The following ARHGAP21 variants were observed in gnomAD, a reference collection of about 807,000 sequenced individuals.
The protein encoded by ARHGAP21 is rho GTPase-activating protein 21.
A neutral mutation model predicts 164.6 loss-of-function variants in ARHGAP21; 38 were observed. The ratio of observed to expected loss-of-function variants is 0.23; its 90% CI spans 0.18 to 0.30. The LOEUF is 0.30. ARHGAP21 is among the 10% of genes least tolerant of loss of function. The pLI is 1.00. For synonymous variants in ARHGAP21, 766 were observed against 857.9 expected (o/e 0.89, Z 1.87); for missense variants, 1,822 against 2,370.7 (o/e 0.77, Z 4.81).
In ARHGAP21 at chr10:24,705,651, C is replaced by T. The variant is rs149264917; in HGVS notation, c.63+16186G>A. On this transcript the variant is annotated intron_variant, in intron 2 of 25. Transcript: ENST00000396432. ...AGTGTGCTTTATTTATCATTCATTGCTTTCAATTACATTTTCAACTGTTTT... is the reference window on the plus strand; with the variant it reads ...AGTGTGCTTTATTTATCATTCATTGTTTTCAATTACATTTTCAACTGTTTT... 5.7e-3 allele frequency among the ~76,000 whole-genome samples: 867 copies of T among 152,314 alleles called. 5 individuals are homozygous for T. Among genetic ancestry groups the T allele is most frequent in the Non-Finnish European group, 8.8e-3 (600 of 68,014 alleles).
At chr10:24,588,928 G>A (rs1299175494) in intron 25 of ARHGAP21, among the ~76,000 whole-genome samples, 1 of 152,162 alleles carries the variant, frequency 6.6e-6, no homozygotes, top group East Asian at 1.9e-4. Flanking sequence ...AGTCGGCCGA[G>A]TGCTGATAAT....
intron 4 of ARHGAP21, among the ~76,000 whole-genome samples, chr10:24,642,950 C>T (rs774877838): frequency 2.0e-5 from 3 of 152,126 alleles, no homozygotes; most frequent in Non-Finnish European, 4.4e-5. Context: ...AGTAAAAATT[C>T]CCAAAACCAG....
At chr10:24,706,099 C>A (rs529877883) in intron 2 of ARHGAP21, among the ~76,000 whole-genome samples, 1 of 152,202 alleles carries the variant, frequency 6.6e-6, no homozygotes. Context: ...CCATATTTCA[C>A]TAAAACTGAA....
intron 9 of ARHGAP21, among the ~76,000 whole-genome samples, chr10:24,615,718 C>A (rs1833872596): frequency 6.6e-6 from 1 of 152,058 alleles, no homozygotes; most frequent in South Asian, 2.1e-4. Context: ...AGGACTGGTA[C>A]ATTATAAAGT....
intron 2 of ARHGAP21, among the ~76,000 whole-genome samples, chr10:24,675,524 T>C (rs566240206): frequency 1.3e-5 from 2 of 152,324 alleles, no homozygotes; most frequent in Admixed American, 1.3e-4. Flanking sequence ...TACTTGCGTA[T>C]AAACTTACCG....
At chr10:24,701,418 A>AGAAAAAAAAAAGTGCCTTCT (rs1843661371) in intron 2 of ARHGAP21, among the ~76,000 whole-genome samples, 1 of 152,036 alleles carries the variant, frequency 6.6e-6, no homozygotes, top group Admixed American at 6.5e-5. Flanking sequence ...CTTCTTTCAA[A>AGAAAAAAAAAAGTGCCTTCT]GAAAAAAAAA....
chr10:24,688,582 A>G (rs190873763), intron 2 of ARHGAP21, among the ~76,000 whole-genome samples: 1 of 152,336 alleles, frequency 6.6e-6, no homozygotes, highest in Admixed American at 6.5e-5. Flanking sequence ...TGGGGAAACA[A>G]CTTATAGAAG....
chr10:24,676,412 T>TTAACTGA (rs1841251108), intron 2 of ARHGAP21, among the ~76,000 whole-genome samples: 6 of 152,200 alleles, frequency 3.9e-5, no homozygotes, highest in Admixed American at 3.9e-4. Context: ...GACCCAGAAT[T>TTAACTGA]TTAATTTCCA....
chr10:24,605,679 T>TTACA (rs2076993704), intron 11 of ARHGAP21: 1 of 152,162 alleles, frequency 6.6e-6, no homozygotes, highest in Admixed American at 6.5e-5. Context: ...TAACATAAGG[T>TTACA]TCAGTATCAT....
intron 2 of ARHGAP21, among the ~76,000 whole-genome samples, chr10:24,691,960 A>G (rs1192311554): frequency 1.3e-5 from 2 of 152,268 alleles, no homozygotes; most frequent in South Asian, 2.1e-4. Flanking sequence ...GAAATCCAAT[A>G]TACCATAAAT....
intron 2 of ARHGAP21, among the ~76,000 whole-genome samples, chr10:24,715,827 G>A (rs555932341): frequency 3.9e-5 from 6 of 152,230 alleles, no homozygotes; most frequent in African/African-American, 1.4e-4. Flanking sequence ...TGGGCAACAT[G>A]GCAAAACCCC....
At chr10:24,690,783 G>A (rs536615028) in intron 2 of ARHGAP21, among the ~76,000 whole-genome samples, 102 of 150,702 alleles carry the variant, frequency 6.8e-4, no homozygotes, top group African/African-American at 2.3e-3. Context: ...AGCCGAGATC[G>A]CGCCACTGCA....
rs1203344753 is a variant in ARHGAP21, at chr10:24,670,198, G to C, written c.243+20C>G. ...GGCCTTGTGGTTTTTTTTTCAAGTTGCGGTAACTATTTCTCTTACCTTATA... is the reference window on the plus strand; with the variant it reads ...GGCCTTGTGGTTTTTTTTTCAAGTTCCGGTAACTATTTCTCTTACCTTATA... On this transcript the variant is annotated intron_variant, in intron 3 of 25. Transcript: ENST00000396432. 19 of 1,509,914 alleles carry C rather than the reference G, an allele frequency of 1.3e-5. No individual in the cohort carries two copies. The highest frequency in any genetic ancestry group is 1.6e-5 in the Non-Finnish European group (18 of 1,120,840). 93.5% of individuals were successfully genotyped at this position (1,509,914 alleles called of 1,614,324 possible).
chr10:24,706,187 T>C (rs1022869125), intron 2 of ARHGAP21, among the ~76,000 whole-genome samples: 7 of 152,234 alleles, frequency 4.6e-5, no homozygotes, highest in Admixed American at 1.3e-4. Context: ...TTCAAAAATA[T>C]GTAACATTTA....
intron 2 of ARHGAP21, among the ~76,000 whole-genome samples, chr10:24,691,576 A>G (rs373199638): frequency 6.2e-4 from 94 of 152,380 alleles, no homozygotes; most frequent in African/African-American, 2.2e-3. Context: ...GCATTGGTGG[A>G]ACTTACTATT....
chr10:24,607,704 G>A, intron 10 of ARHGAP21, 41 bp downstream of exon 10: 1 of 1,611,606 alleles, frequency 6.2e-7, no homozygotes, highest in Non-Finnish European at 8.5e-7. Flanking sequence ...GTGGAAAACA[G>A]AGCATGAGAT....
chr10:24,699,335 TA>T (rs895784294), intron 2 of ARHGAP21, among the ~76,000 whole-genome samples: 5 of 152,086 alleles, frequency 3.3e-5, no homozygotes, highest in African/African-American at 1.2e-4. Context: ...TTATTATTAT[TA>T]TTTTTTTGAG....
At position 24,597,601 on chromosome 10, in the gene ARHGAP21, A is replaced by T. The variant is rs777719973; in HGVS notation, c.3198-18T>A. 6.2e-7 allele frequency: 1 copy of T among 1,613,374 alleles called. No homozygotes were observed. The highest frequency in any genetic ancestry group is 8.5e-7 in the Non-Finnish European group (1 of 1,179,692). On this transcript the variant is annotated intron_variant, in intron 15 of 25. Coordinates refer to ENST00000396432, the MANE Select transcript of ARHGAP21 (RefSeq NM_020824.4). The stretch of plus-strand genomic sequence containing the variant: ...CTGCTTTGCTGTTGAAGGAAATGAC[A>T]TTTGTTAACAATTACAGTAATCCCC...
Position 24,604,387 on chromosome 10 carries a change from C to CA in ARHGAP21, c.2685-40dup, listed in dbSNP as rs760931123. On this transcript the variant is annotated intron_variant, in intron 11 of 25. Transcript: ENST00000396432. Reference sequence around the variant, plus strand: ...AATATATAAATATTTTCAATTAGTGCAAAAAAAATCTTAAAGATGTAAGAA... The same window carrying CA: ...AATATATAAATATTTTCAATTAGTGCAAAAAAAAATCTTAAAGATGTAAGAA... 9.6e-4 allele frequency: 1,336 copies of CA among 1,387,546 alleles called. 4 individuals carry two copies. Among genetic ancestry groups the CA allele is most frequent in the Non-Finnish European group, 1.1e-3 (1,142 of 1,004,010 alleles). The allele number at this position is 1,387,546 out of a possible 1,614,324, so 86.0% of individuals were successfully genotyped here. A position where few individuals can be genotyped will look rare whatever the true frequency, so the allele number is the denominator to read the frequency against.
Sources: gnomAD v4.1 joint callset for allele counts (sites outside exome capture counted in the v4.1 genomes callset) on GRCh38, gnomAD v4.1.1 for gene constraint, MANE v1.5 for transcripts, NCBI Gene and HGNC (gene_info 2026-07-23, HGNC 2026-07-21) for gene names.